EOGT: variants seen among roughly 807,000 people sequenced by gnomAD.
EOGT encodes EGF domain specific O-linked N-acetylglucosamine transferase.
A neutral mutation model predicts 70.5 loss-of-function variants in EOGT; 55 were observed. The observed-to-expected ratio is 0.78, with a 90% CI of 0.63 to 0.98. The LOEUF (loss-of-function observed/expected upper bound fraction) is 0.98, where lower values mean the gene tolerates loss of function less well. EOGT is among the 50% of genes least tolerant of loss of function. The pLI is 0.00. For missense variants in EOGT, 703 were observed against 641.9 expected (o/e 1.10, Z -1.03); for synonymous variants, 246 against 217.1 (o/e 1.13, Z -1.17).
chr3:68,990,603 C>T (rs2090966337), intron 10 of EOGT, among the ~76,000 whole-genome samples: 1 of 152,152 alleles, frequency 6.6e-6, no homozygotes, highest in Non-Finnish European at 1.5e-5. Flanking sequence ...CTCCGCCTAC[C>T]ACGGCCTCCT....
At chr3:68,977,839 T>C in intron 17 of EOGT, 75 bp from the exon 18 acceptor site, 2 of 1,465,980 alleles carry the variant, frequency 1.4e-6, no homozygotes, top group African/African-American at 1.4e-5. Context: ...AAAATTATGT[T>C]ACTTTGGTTA....
chr3:68,996,009 C>T lies in EOGT; in HGVS notation c.831+2002G>A, dbSNP rs187948832. On this transcript the variant is annotated intron_variant, in intron 10 of 17. Transcript: ENST00000383701. ...TAAAAATAGTTTTGTTTAAAAACGG[C>T]AAAACAACCCTGAGTTAATAATTTA... 1.3e-3 allele frequency among the ~76,000 whole-genome samples: 202 copies of T among 152,198 alleles called. 1 individual carries two copies. Among genetic ancestry groups the T allele is most frequent in the African/African-American group, 4.1e-3 (169 of 41,542 alleles).
At chr3:68,977,995 T>C (rs1384921779) in intron 17 of EOGT, among the ~76,000 whole-genome samples, 3 of 152,196 alleles carry the variant, frequency 2.0e-5, no homozygotes, top group Non-Finnish European at 4.4e-5. Context: ...CTAGAGACAG[T>C]GCATAAACAG....
intron 17 of EOGT, among the ~76,000 whole-genome samples, chr3:68,977,973 G>A (rs1559582478): frequency 6.6e-6 from 1 of 152,206 alleles, no homozygotes; most frequent in Non-Finnish European, 1.5e-5. Context: ...TGTCGTTGAA[G>A]TGCACAAACA....
chr3:69,008,750 T>C (rs2091498836), intron 4 of EOGT, among the ~76,000 whole-genome samples: 1 of 152,240 alleles, frequency 6.6e-6, no homozygotes, highest in Admixed American at 6.5e-5. Flanking sequence ...ATCGGTCCCC[T>C]AACCGAAAGT....
chr3:68,988,873 G>A (rs2090895323), intron 11 of EOGT, 52 bp downstream of exon 11: 1 of 935,058 alleles, frequency 1.1e-6, no homozygotes, highest in Non-Finnish European at 1.6e-6. Flanking sequence ...TTATGAGTGA[G>A]TCATCTGCAC....
chr3:68,983,721 T>C (rs772189895), intron 14 of EOGT, among the ~76,000 whole-genome samples: 1 of 152,224 alleles, frequency 6.6e-6, no homozygotes, highest in Non-Finnish European at 1.5e-5. Context: ...CCCAGCACTT[T>C]GGGAGGCCGA....
intron 14 of EOGT, among the ~76,000 whole-genome samples, chr3:68,987,150 C>T (rs2090834625): frequency 6.6e-6 from 1 of 152,172 alleles, no homozygotes; most frequent in Non-Finnish European, 1.5e-5. Flanking sequence ...TACATTTTTG[C>T]TACTTGTCTG....
intron 3 of EOGT, 83 bp from the exon 4 acceptor site, chr3:69,009,943 A>AAC: frequency 1.4e-6 from 1 of 710,246 alleles, no homozygotes; most frequent in African/African-American, 1.8e-5. Flanking sequence ...CAAAAAAAAA[A>AAC]AAAAAACAAA....
rs1278937773 is a variant in EOGT at position 68,975,236 on chromosome 3, T to C, written c.*2382A>G. The stretch of plus-strand genomic sequence containing the variant: ...AAATGGTTCTGATATTCAAATAAAA[T>C]ATAAAATGATTTATTCCAAAGCCAT... On this transcript the variant is annotated 3_prime_UTR_variant, in exon 18 of 18. Coordinates refer to ENST00000383701, the MANE Select transcript of EOGT (RefSeq NM_001278689.2). 1 of 152,550 alleles carries C rather than the reference T, an allele frequency of 6.6e-6. No homozygotes were observed. Among genetic ancestry groups the C allele is most frequent in the Admixed American group, 6.5e-5 (1 of 15,278 alleles). The allele number at this position is 152,550 out of a possible 1,614,324, so 9.4% of individuals were successfully genotyped here.
chr3:68,985,278 C>T (rs1009405470), intron 14 of EOGT, among the ~76,000 whole-genome samples: 4 of 152,136 alleles, frequency 2.6e-5, no homozygotes, highest in East Asian at 3.9e-4. Context: ...ACACACACTG[C>T]TCATTTCTTC....
intron 10 of EOGT, among the ~76,000 whole-genome samples, chr3:68,989,818 T>C (rs889045035): frequency 5.9e-5 from 9 of 151,312 alleles, no homozygotes; most frequent in African/African-American, 2.2e-4. Context: ...GGCTCATGCT[T>C]GTAATTCCAG....
At chr3:69,011,352 AAC>A (rs930684475) in intron 3 of EOGT, among the ~76,000 whole-genome samples, 11 of 151,866 alleles carry the variant, frequency 7.2e-5, no homozygotes, top group African/African-American at 2.7e-4. Context: ...AACCTTTAGA[AAC>A]AGACTGCAGG....
intron 10 of EOGT, among the ~76,000 whole-genome samples, chr3:68,991,350 G>C (rs182655558): frequency 6.8e-4 from 104 of 152,266 alleles, no homozygotes; most frequent in African/African-American, 1.9e-3. Flanking sequence ...CCAATTATAG[G>C]AATCTGTCCT....
intron 10 of EOGT, among the ~76,000 whole-genome samples, chr3:68,996,832 C>T (rs954950425): frequency 6.6e-6 from 1 of 152,256 alleles, no homozygotes; most frequent in Non-Finnish European, 1.5e-5. Context: ...CTTATATGAC[C>T]CCTTGGTGGG....
chr3:69,001,151 G>A (rs2091284521), intron 9 of EOGT, among the ~76,000 whole-genome samples: 2 of 151,932 alleles, frequency 1.3e-5, no homozygotes, highest in Non-Finnish European at 2.9e-5. Context: ...GTAGAGACGA[G>A]GTTTCACCAT....
In EOGT at chr3:69,011,538, T is replaced by C. The variant is rs533235945; in HGVS notation, c.-15+398A>G. ...TTAGCCTGGGAAGTCAAGGATGCAG[T>C]GAGTCGTGATCTCGCCACTGCACTC... On this transcript the variant is annotated intron_variant, in intron 3 of 17. Coordinates refer to ENST00000383701, the MANE Select transcript of EOGT (RefSeq NM_001278689.2). Among the ~76,000 whole-genome samples, 17 of 145,916 alleles carry C rather than the reference T, an allele frequency of 1.2e-4. No individual in the cohort carries two copies. The South Asian group carries it at 3.6e-3, about 31-fold the overall frequency.
At position 68,987,591 on chromosome 3, in the gene EOGT, T is replaced by C. The variant is rs970800984; in HGVS notation, c.1084-78A>G. The C allele has an allele frequency of 4.6e-6, 5 of 1,096,518 alleles. No homozygotes were observed. The African/African-American group carries it at 6.2e-5, about 14-fold the overall frequency. The allele number at this position is 1,096,518 out of a possible 1,614,324, so 67.9% of individuals were successfully genotyped here. Reference sequence around the variant, plus strand: ...ATGAACATCTGAACCCAAAATGTGATTTTCACAAAGAGATGAAACTCAACC... The same window carrying C: ...ATGAACATCTGAACCCAAAATGTGACTTTCACAAAGAGATGAAACTCAACC... On this transcript the variant is annotated intron_variant, in intron 13 of 17. Coordinates refer to ENST00000383701, the MANE Select transcript of EOGT (RefSeq NM_001278689.2).
chr3:69,005,049 A>C (rs2091402976), intron 7 of EOGT, 91 bp downstream of exon 7: 1 of 727,182 alleles, frequency 1.4e-6, no homozygotes, highest in Admixed American at 2.7e-5. Context: ...GCAACAGAGC[A>C]AGACCCTGTC....
Sources: gnomAD v4.1 joint callset for allele counts (sites outside exome capture counted in the v4.1 genomes callset) on GRCh38, gnomAD v4.1.1 for gene constraint, MANE v1.5 for transcripts, NCBI Gene and HGNC (gene_info 2026-07-23, HGNC 2026-07-21) for gene names.